Variants in ATP1A4 observed in about 807,000 individuals in gnomAD.
ATP1A4 encodes ATPase Na+/K+ transporting subunit alpha 4.
Under a neutral mutation model 114.3 loss-of-function variants are expected in ATP1A4, and 90 were observed. The ratio of observed to expected loss-of-function variants is 0.79; its 90% CI spans 0.66 to 0.94. The LOEUF (loss-of-function observed/expected upper bound fraction) is 0.94, where lower values mean the gene tolerates loss of function less well. ATP1A4 is among the 40% of genes least tolerant of loss of function. ATP1A4 has a pLI of 0.00. For synonymous variants in ATP1A4, 511 were observed against 494.1 expected, an observed-to-expected ratio of 1.03 and a Z score of -0.45; for missense variants, 1,222 against 1,313.6, an observed-to-expected ratio of 0.93 and a Z score of 1.08.
At chr1:160,160,524 AT>A (rs1472439726) in intron 6 of ATP1A4, among the ~76,000 whole-genome samples, 1 of 152,114 alleles carries the variant, frequency 6.6e-6, no homozygotes, top group African/African-American at 2.4e-5. Context: ...GCCTAGAAAT[AT>A]TTTTTATTTG....
intron 20 of ATP1A4, among the ~76,000 whole-genome samples, chr1:160,185,123 T>TC (rs1464002769): frequency 7.7e-6 from 1 of 129,534 alleles, no homozygotes; most frequent in Non-Finnish European, 1.7e-5. Context: ...TTTTTTTTTT[T>TC]CCCGACGAAG....
At chr1:160,176,278 C>A in intron 16 of ATP1A4, 32 bp downstream of exon 16, 1 of 1,612,460 alleles carries the variant, frequency 6.2e-7, no homozygotes, top group Non-Finnish European at 8.5e-7. Context: ...AAGAGATTCC[C>A]AGAATTCTGC....
At chr1:160,167,451 G>T in intron 10 of ATP1A4, 39 bp downstream of exon 10, 1 of 1,606,464 alleles carries the variant, frequency 6.2e-7, no homozygotes, top group South Asian at 1.1e-5. Flanking sequence ...GTGGTGGGGG[G>T]ATGGGCTTAT....
intron 18 of ATP1A4, among the ~76,000 whole-genome samples, chr1:160,180,295 C>T (rs1029764348): frequency 2.6e-5 from 4 of 152,124 alleles, no homozygotes; most frequent in South Asian, 2.1e-4. Flanking sequence ...TGCCACATCC[C>T]GTGGGGTTTG....
At chr1:160,179,713 T>C (rs940410400) in intron 18 of ATP1A4, among the ~76,000 whole-genome samples, 3 of 152,244 alleles carry the variant, frequency 2.0e-5, no homozygotes, top group African/African-American at 7.2e-5. Flanking sequence ...TACCAGGTAC[T>C]GTTCTAGGGC....
At chr1:160,185,664 T>C (rs1379090546) in intron 20 of ATP1A4, among the ~76,000 whole-genome samples, 1 of 151,776 alleles carries the variant, frequency 6.6e-6, no homozygotes, top group East Asian at 2.0e-4. Flanking sequence ...CTCACACTTA[T>C]AATCCCAGCA....
At position 160,174,614 on chromosome 1, in the gene ATP1A4, C is replaced by A; in HGVS notation, c.2178C>A (p.Asn726Lys). ...TGGCCGTGACAGGTGACGGGGTGAA[C>A]GACTCCCCTGCGCTGAAGAAGGCTG... ...AVVAVTGDGV[N>K]DSPALKKADI... The change falls in exon 15 of 22, where the codon AAC becomes AAA. Residue 726 changes from asparagine to lysine, a missense_variant. Coordinates refer to ENST00000368081, the MANE Select transcript of ATP1A4 (RefSeq NM_144699.4). The A allele has an allele frequency of 6.2e-7, 1 of 1,614,116 alleles. No individual in the cohort carries two copies. The highest frequency in any genetic ancestry group is 8.5e-7 in the Non-Finnish European group (1 of 1,179,990).
At position 160,174,678 on chromosome 1, in the gene ATP1A4, T is replaced by G; in HGVS notation, c.2242T>G (p.Ser748Ala). 1 of 1,614,146 alleles carries G rather than the reference T, an allele frequency of 6.2e-7. No homozygotes were observed. Among genetic ancestry groups the G allele is most frequent in the Non-Finnish European group, 8.5e-7 (1 of 1,180,032 alleles). ...CATGGGCATCTCTGGCTCTGACGTCTCTAAGCAGGCAGCCGACATGATCCT... is the reference window on the plus strand; with the variant it reads ...CATGGGCATCTCTGGCTCTGACGTCGCTAAGCAGGCAGCCGACATGATCCT... ...IAMGISGSDV[S>A]KQAADMILLD... is the part of the protein sequence containing the mutation. Residue 748 changes from serine to alanine, a missense_variant, in exon 15 of 22, where the codon TCT becomes GCT. Transcript: ENST00000368081.
intron 6 of ATP1A4, 62 bp downstream of exon 6, chr1:160,159,588 A>T (rs1299781630): frequency 1.4e-6 from 2 of 1,436,112 alleles, no homozygotes; most frequent in African/African-American, 2.8e-5. Context: ...AAAGATTTTA[A>T]TAACTGTCTT....
rs377186597 is a variant in ATP1A4, at chr1:160,153,461, T to C, written c.207+237T>C. ...TAAGAATGCTTTAGGGCAGTGCTGG[T>C]CAAACGTCTTGTCCTTAGGTCTCCT... On this transcript the variant is annotated intron_variant, in intron 2 of 21. Transcript: ENST00000368081. Among the ~76,000 whole-genome samples, 14 of 152,286 alleles carry C rather than the reference T, an allele frequency of 9.2e-5. No homozygotes were observed. The South Asian group carries it at 1.5e-3, about 16-fold the overall frequency.
chr1:160,162,697 A>G (rs1652903317), intron 6 of ATP1A4, among the ~76,000 whole-genome samples: 1 of 152,110 alleles, frequency 6.6e-6, no homozygotes, highest in African/African-American at 2.4e-5. Context: ...GCATTGCCAA[A>G]TGTCCCCAGG....
chr1:160,153,939 G>A (rs533116263), intron 2 of ATP1A4, among the ~76,000 whole-genome samples: 12 of 152,220 alleles, frequency 7.9e-5, no homozygotes, highest in South Asian at 6.2e-4. Context: ...GCAGAGGTTG[G>A]GGAGTGGCTG....
At position 160,174,162 on chromosome 1, in the gene ATP1A4, C is replaced by A. The variant is rs1189765300; in HGVS notation, c.2043C>A (p.Ser681=). ...VHGAELKDIQ[S]KQLDQILQNH... is the part of the protein sequence containing the mutation. Reference sequence around the variant, plus strand: ...GTGCAGAACTGAAGGACATACAGTCCAAGCAGCTTGATCAGATCCTCCAGA... The same window carrying A: ...GTGCAGAACTGAAGGACATACAGTCAAAGCAGCTTGATCAGATCCTCCAGA... The change falls in exon 14 of 22, where the codon TCC becomes TCA. Residue 681 remains serine, a synonymous_variant. Coordinates refer to ENST00000368081, the MANE Select transcript of ATP1A4 (RefSeq NM_144699.4). 1.2e-6 allele frequency: 2 copies of A among 1,614,140 alleles called. No homozygotes were observed. Among genetic ancestry groups the A allele is most frequent in the South Asian group, 2.2e-5 (2 of 91,074 alleles).
At chr1:160,181,201 T>A (rs2101656724) in intron 18 of ATP1A4, among the ~76,000 whole-genome samples, 1 of 152,250 alleles carries the variant, frequency 6.6e-6, no homozygotes, top group Admixed American at 6.5e-5. Context: ...AAACAAATCA[T>A]GATACAACAT....
In ATP1A4 at chr1:160,151,806, T is replaced by G; in HGVS notation, c.-235T>G. The G allele has an allele frequency of 4.2e-6, 2 of 470,830 alleles. No homozygotes were observed. The highest frequency in any genetic ancestry group is 3.8e-6 in the Non-Finnish European group (1 of 262,264). The allele number at this position is 470,830 out of a possible 1,614,324, so 29.2% of individuals were successfully genotyped here. A position where few individuals can be genotyped will look rare whatever the true frequency, so the allele number is the denominator to read the frequency against. ...TTCCCTCACTCCTGACTCTTCCTCT[T>G]CCCAGCGGACGGCTGGAGGACCGCT... On this transcript the variant is annotated 5_prime_UTR_variant, in exon 1 of 22. Transcript: ENST00000368081.
chr1:160,168,028 T>G (rs529028193), intron 10 of ATP1A4, among the ~76,000 whole-genome samples: 16 of 152,328 alleles, frequency 1.1e-4, no homozygotes, highest in Admixed American at 7.8e-4. Flanking sequence ...CGTGTGTTCG[T>G]GTTCGTGAAG....
At chr1:160,179,990 A>C (rs964164009) in intron 18 of ATP1A4, among the ~76,000 whole-genome samples, 1 of 152,200 alleles carries the variant, frequency 6.6e-6, no homozygotes, top group Non-Finnish European at 1.5e-5. Context: ...TAAGGATGGG[A>C]GCAAGCAGCC....
intron 20 of ATP1A4, among the ~76,000 whole-genome samples, chr1:160,185,776 G>A (rs899683991): frequency 9.2e-5 from 14 of 151,796 alleles, no homozygotes; most frequent in African/African-American, 1.9e-4. Flanking sequence ...AAAATTAGCC[G>A]GGCATGGTGG....
At chr1:160,175,958 C>G (rs1191708927) in intron 15 of ATP1A4, 134 bp from the exon 16 acceptor site, 2 of 811,376 alleles carry the variant, frequency 2.5e-6, no homozygotes, top group Non-Finnish European at 4.1e-6. Flanking sequence ...ATACTGGGAC[C>G]CTGGAGGTCT....
Sources: gnomAD v4.1 joint callset for allele counts (sites outside exome capture counted in the v4.1 genomes callset) on GRCh38, gnomAD v4.1.1 for gene constraint, MANE v1.5 for transcripts, NCBI Gene and HGNC (gene_info 2026-07-23, HGNC 2026-07-21) for gene names.